Variants in ATP6V1A observed in about 807,000 individuals in gnomAD.
ATP6V1A encodes V-type proton ATPase catalytic subunit A.
ATP6V1A carries 18 observed loss-of-function variants against 70.1 expected under a neutral mutation model. The observed-to-expected ratio is 0.26, with a 90% CI of 0.18 to 0.38. The LOEUF (loss-of-function observed/expected upper bound fraction) is 0.38. ATP6V1A is among the 10% of genes least tolerant of loss of function. ATP6V1A has a pLI of 1.00. For synonymous variants in ATP6V1A, 232 were observed against 253.8 expected (o/e 0.91, Z 0.82); for missense variants, 424 against 772.4 (o/e 0.55, Z 5.35).
intron 1 of ATP6V1A, among the ~76,000 whole-genome samples, chr3:113,768,435 A>C (rs1036768579): frequency 1.3e-5 from 2 of 152,078 alleles, no homozygotes; most frequent in Non-Finnish European, 2.9e-5. Context: ...AAAGGCAACA[A>C]GGACTCAGAT....
chr3:113,760,433 A>G (rs1443542533), intron 1 of ATP6V1A, among the ~76,000 whole-genome samples: 1 of 152,258 alleles, frequency 6.6e-6, no homozygotes, highest in Non-Finnish European at 1.5e-5. Flanking sequence ...CATCCATTAA[A>G]TAAACGAGAG....
At chr3:113,786,940 G>A (rs1177158114) in intron 6 of ATP6V1A, among the ~76,000 whole-genome samples, 1 of 151,906 alleles carries the variant, frequency 6.6e-6, no homozygotes, top group Non-Finnish European at 1.5e-5. Flanking sequence ...CACCACACCT[G>A]GCTAATTTTT....
rs979879606 is a variant in ATP6V1A, at chr3:113,811,849, A to T, written c.*2422A>T. On this transcript the variant is annotated 3_prime_UTR_variant, in exon 15 of 15. Coordinates refer to ENST00000273398, the MANE Select transcript of ATP6V1A (RefSeq NM_001690.4). ...TATTTATTGTGCTGTGTCTGGTCCTAAGTGGAGCCAATTAAACAAGTTTCA... is the reference window on the plus strand; with the variant it reads ...TATTTATTGTGCTGTGTCTGGTCCTTAGTGGAGCCAATTAAACAAGTTTCA... 2.6e-5 allele frequency: 4 copies of T among 152,570 alleles called. No homozygotes were observed. The highest frequency in any genetic ancestry group is 9.7e-5 in the African/African-American group (4 of 41,430). 9.5% of individuals were successfully genotyped at this position (152,570 alleles called of 1,614,324 possible).
At position 113,764,104 on chromosome 3, in the gene ATP6V1A, G is replaced by GT. The variant is rs558191657; in HGVS notation, c.-13-14636dup. Among the ~76,000 whole-genome samples, 11 of 152,192 alleles carry GT rather than the reference G, an allele frequency of 7.2e-5. No homozygotes were observed. The South Asian group carries it at 1.5e-3, about 20-fold the overall frequency. ...AAAAATCAAAAAGCTGGGCATGGTG[G>GT]TACATGCCTGTGGTCCCAGTAAGGG... On this transcript the variant is annotated intron_variant, in intron 1 of 14. Coordinates refer to ENST00000273398, the MANE Select transcript of ATP6V1A (RefSeq NM_001690.4).
intron 1 of ATP6V1A, among the ~76,000 whole-genome samples, chr3:113,775,048 C>T (rs1708892901): frequency 6.6e-6 from 1 of 152,002 alleles, no homozygotes; most frequent in Admixed American, 6.6e-5. Context: ...AGGAAACATA[C>T]TTTGTGTGGC....
At position 113,784,259 on chromosome 3, in the gene ATP6V1A, G is replaced by T; in HGVS notation, c.247G>T (p.Gly83Cys). 1 of 1,614,146 alleles carries T rather than the reference G, an allele frequency of 6.2e-7. No homozygotes were observed. Among genetic ancestry groups the T allele is most frequent in the Non-Finnish European group, 8.5e-7 (1 of 1,180,004 alleles). The change falls in exon 4 of 15, where the codon GGT becomes TGT. Residue 83 changes from glycine to cysteine, a missense_variant. Transcript: ENST00000273398. ...TGTTGGAGATCCTGTACTTCGCACT[G>T]GTAAACCCCTCTCTGTAGAGCTTGG... Reference protein sequence around the residue: ...VSVGDPVLRTGKPLSVELGPG... With the variant: ...VSVGDPVLRTCKPLSVELGPG...
At chr3:113,801,729 T>C (rs3773682) in intron 12 of ATP6V1A, among the ~76,000 whole-genome samples, 55,379 of 151,916 alleles carry the variant, frequency 0.36, 10,171 homozygotes, top group African/African-American at 0.4. Context: ...CAGACCATGT[T>C]GCACAGCAGC....
chr3:113,779,956 C>T (rs1577088135), intron 2 of ATP6V1A, among the ~76,000 whole-genome samples: 1 of 152,134 alleles, frequency 6.6e-6, no homozygotes, highest in East Asian at 1.9e-4. Flanking sequence ...CTGCACCTAT[C>T]AACCTGTTAC....
At chr3:113,789,559 T>C (rs1198175080) in intron 7 of ATP6V1A, among the ~76,000 whole-genome samples, 173 bp from the exon 8 acceptor site, 1 of 152,078 alleles carries the variant, frequency 6.6e-6, no homozygotes, top group Non-Finnish European at 1.5e-5. Flanking sequence ...ATCTTCTTCA[T>C]AGCACCGTGG....
chr3:113,770,142 G>A (rs533433245), intron 1 of ATP6V1A, among the ~76,000 whole-genome samples: 2 of 151,930 alleles, frequency 1.3e-5, no homozygotes, highest in South Asian at 2.1e-4. Context: ...TCCACCTCCC[G>A]GGTTCAAGCA....
chr3:113,764,460 T>C (rs1197168943), intron 1 of ATP6V1A, among the ~76,000 whole-genome samples: 2 of 152,166 alleles, frequency 1.3e-5, no homozygotes, highest in Non-Finnish European at 1.5e-5. Context: ...AAAAAATTAA[T>C]TGGGAAATAA....
At chr3:113,750,777 C>G (rs567298859) in intron 1 of ATP6V1A, among the ~76,000 whole-genome samples, 1 of 152,026 alleles carries the variant, frequency 6.6e-6, no homozygotes, top group African/African-American at 2.4e-5. Flanking sequence ...ATTTTATATA[C>G]TGAATTTCTA....
At chr3:113,769,337 A>C (rs1392874461) in intron 1 of ATP6V1A, among the ~76,000 whole-genome samples, 1 of 152,198 alleles carries the variant, frequency 6.6e-6, no homozygotes, top group African/African-American at 2.4e-5. Flanking sequence ...ATTGGTTATA[A>C]TCCATTAGAT....
At chr3:113,755,230 G>A (rs2603788) in intron 1 of ATP6V1A, among the ~76,000 whole-genome samples, 118 of 152,124 alleles carry the variant, frequency 7.8e-4, no homozygotes, top group African/African-American at 2.6e-3. Flanking sequence ...TTAAAATAAG[G>A]ATAATAAGAG....
At chr3:113,771,071 G>T (rs528743795) in intron 1 of ATP6V1A, among the ~76,000 whole-genome samples, 1 of 151,306 alleles carries the variant, frequency 6.6e-6, no homozygotes, top group South Asian at 2.1e-4. Context: ...CTCCAGCCTG[G>T]GCAACAGAGG....
intron 2 of ATP6V1A, 42 bp downstream of exon 2, chr3:113,778,877 T>C: frequency 7.9e-7 from 1 of 1,266,770 alleles, no homozygotes; most frequent in Non-Finnish European, 1.1e-6. Flanking sequence ...ATATCTAACT[T>C]TGATTAATGT....
chr3:113,805,583 T>C (rs1198742133), intron 14 of ATP6V1A, 58 bp downstream of exon 14: 10 of 1,513,448 alleles, frequency 6.6e-6, no homozygotes, highest in Admixed American at 1.9e-5. Flanking sequence ...TTTTTCTTTT[T>C]TTTTTAGACA....
chr3:113,798,536 GC>G (rs1709177638), intron 12 of ATP6V1A, 90 bp downstream of exon 12: 1 of 1,092,156 alleles, frequency 9.2e-7, no homozygotes, highest in Non-Finnish European at 1.3e-6. Flanking sequence ...ACAGATTCTT[GC>G]CTAGCAAAAT....
intron 1 of ATP6V1A, among the ~76,000 whole-genome samples, chr3:113,775,999 A>G (rs1363537040): frequency 7.2e-5 from 11 of 152,046 alleles, no homozygotes; most frequent in East Asian, 1.9e-4. Flanking sequence ...TTAGATTCCA[A>G]TGTTTTACAG....
Sources: allele counts gnomAD v4.1 joint callset (sites outside exome capture counted in the v4.1 genomes callset), GRCh38; gene constraint gnomAD v4.1.1; transcripts MANE v1.5; gene names NCBI Gene and HGNC (gene_info 2026-07-23, HGNC 2026-07-21).